GPM6A: variants seen among roughly 807,000 people sequenced by gnomAD.
GPM6A encodes glycoprotein M6A, also known as neuronal membrane glycoprotein M6-a.
GPM6A carries 7 observed loss-of-function variants against 32.1 expected under a neutral mutation model. That is an observed-to-expected ratio of 0.22 (90% CI 0.12 to 0.41). The LOEUF (loss-of-function observed/expected upper bound fraction) is 0.41. Among genes scored for constraint, GPM6A ranks in the 10% least tolerant of loss-of-function variants. GPM6A has a pLI of 1.00. For synonymous variants in GPM6A, 130 were observed against 123.4 expected (o/e 1.05, Z -0.35); for missense variants, 235 against 347.2 (o/e 0.68, Z 2.57).
chr4:175,791,670 ATGAT>A (rs1158624938), intron 1 of GPM6A, among the ~76,000 whole-genome samples: 1 of 152,210 alleles, frequency 6.6e-6, no homozygotes, highest in Non-Finnish European at 1.5e-5. Context: ...TACTAACAAA[ATGAT>A]TGTATCAGAA....
chr4:175,906,776 A>G (rs1028244411), intron 1 of GPM6A: 10 of 152,142 alleles, frequency 6.6e-5, no homozygotes, highest in Admixed American at 4.6e-4. Context: ...ATTGACTTGG[A>G]TGGAATTCTA....
intron 1 of GPM6A, among the ~76,000 whole-genome samples, chr4:175,848,609 T>TA (rs1736160211): frequency 6.6e-6 from 1 of 152,194 alleles, no homozygotes; most frequent in Non-Finnish European, 1.5e-5. Context: ...TACCTTGCAC[T>TA]AACTGGTAAT....
chr4:175,654,886 T>C (rs2110928060), intron 3 of GPM6A, among the ~76,000 whole-genome samples: 1 of 152,266 alleles, frequency 6.6e-6, no homozygotes, highest in East Asian at 1.9e-4. Context: ...GGAAGAGTAA[T>C]CAGCATCCTT....
At chr4:175,942,504 T>G (rs1250002170) in intron 1 of GPM6A, among the ~76,000 whole-genome samples, 2 of 152,150 alleles carry the variant, frequency 1.3e-5, no homozygotes, top group African/African-American at 2.4e-5. Context: ...GTTCTTGAGG[T>G]TTTAGGTCTT....
rs56948019 is a variant in GPM6A at position 175,707,203 on chromosome 4, T to A, written c.38-5436A>T. ...TATCCCTTTACTTTCTTAATAAACT[T>A]CCTTTCACCTTGCTCTATGGGCTTG... On this transcript the variant is annotated intron_variant, in intron 1 of 6. Transcript: ENST00000393658. 1.0e-3 allele frequency among the ~76,000 whole-genome samples: 158 copies of A among 152,358 alleles called. No individual in the cohort carries two copies. The East Asian group carries it at 0.026, about 25-fold the overall frequency.
intron 1 of GPM6A, among the ~76,000 whole-genome samples, chr4:175,968,535 A>C (rs1561016198): frequency 6.6e-6 from 1 of 152,212 alleles, no homozygotes; most frequent in African/African-American, 2.4e-5. Flanking sequence ...ATATTTGATT[A>C]ATGACTGGCA....
At chr4:175,931,709 C>CACACAT (rs1324269132) in intron 1 of GPM6A, among the ~76,000 whole-genome samples, 22 of 129,322 alleles carry the variant, frequency 1.7e-4, no homozygotes, top group African/African-American at 6.3e-4. Context: ...CACACACACA[C>CACACAT]ATATATATAT....
At chr4:175,786,007 T>A (rs1184449427) in intron 1 of GPM6A, among the ~76,000 whole-genome samples, 1 of 151,656 alleles carries the variant, frequency 6.6e-6, no homozygotes, top group Non-Finnish European at 1.5e-5. Flanking sequence ...GAAAAAAAAA[T>A]ATGAGAGAGC....
At chr4:175,660,067 G>A (rs1273975816) in intron 3 of GPM6A, among the ~76,000 whole-genome samples, 2 of 152,030 alleles carry the variant, frequency 1.3e-5, no homozygotes, top group Non-Finnish European at 2.9e-5. Flanking sequence ...TGGAAAAGAT[G>A]AGGACAAGTA....
chr4:175,990,353 C>T (rs1405761414), intron 1 of GPM6A, among the ~76,000 whole-genome samples: 1 of 152,128 alleles, frequency 6.6e-6, no homozygotes, highest in Admixed American at 6.6e-5. Flanking sequence ...CTGCAGCCTC[C>T]ATCGATGTCC....
intron 1 of GPM6A, among the ~76,000 whole-genome samples, chr4:175,948,842 T>C (rs1290587354): frequency 6.6e-6 from 1 of 152,168 alleles, no homozygotes; most frequent in Non-Finnish European, 1.5e-5. Flanking sequence ...CAATTGTTAC[T>C]AGATTGAGCA....
intron 2 of GPM6A, among the ~76,000 whole-genome samples, chr4:175,684,677 A>G (rs967095518): frequency 6.6e-6 from 1 of 152,170 alleles, no homozygotes; most frequent in African/African-American, 2.4e-5. Flanking sequence ...CTGTCATACA[A>G]TGAATTTCTA....
At chr4:175,816,884 G>A (rs1735117138), upstream of GPM6A, among the ~76,000 whole-genome samples, 2 of 151,166 alleles carry the variant, frequency 1.3e-5, no homozygotes, top group East Asian at 1.9e-4. Context: ...TTTTTGAGAC[G>A]GAGTCTCGCT....
At chr4:175,869,113 C>A (rs1050078129) in intron 1 of GPM6A, among the ~76,000 whole-genome samples, 17 of 152,168 alleles carry the variant, frequency 1.1e-4, no homozygotes, top group African/African-American at 4.1e-4. Flanking sequence ...AACAAAATCA[C>A]AAACAATTAC....
chr4:175,853,027 A>C (rs956397020), intron 1 of GPM6A, among the ~76,000 whole-genome samples: 2 of 152,078 alleles, frequency 1.3e-5, no homozygotes, highest in African/African-American at 4.8e-5. Context: ...TTCTTCTTAG[A>C]TCTAACGTCC....
chr4:175,939,412 G>T (rs1283623197), intron 1 of GPM6A, among the ~76,000 whole-genome samples: 1 of 152,084 alleles, frequency 6.6e-6, no homozygotes, highest in South Asian at 2.1e-4. Context: ...AGAGATTTTT[G>T]TATCTCTTAA....
At chr4:175,737,379 T>C (rs1185483451) in intron 1 of GPM6A, among the ~76,000 whole-genome samples, 3 of 151,874 alleles carry the variant, frequency 2.0e-5, no homozygotes, top group Non-Finnish European at 2.9e-5. Context: ...TAATCCTGCA[T>C]GCCTGTAATC....
At chr4:175,866,680 T>C (rs573496223) in intron 1 of GPM6A, among the ~76,000 whole-genome samples, 1 of 152,342 alleles carries the variant, frequency 6.6e-6, no homozygotes, top group African/African-American at 2.4e-5. Context: ...AGGAACATCT[T>C]GGTTGCTTTC....
chr4:175,702,491 T>A (rs995695181), intron 1 of GPM6A, among the ~76,000 whole-genome samples: 1 of 152,166 alleles, frequency 6.6e-6, no homozygotes, highest in Non-Finnish European at 1.5e-5. Flanking sequence ...CCTGTTAGTA[T>A]GTTGTGAAGT....
Sources: allele counts gnomAD v4.1 joint callset (sites outside exome capture counted in the v4.1 genomes callset), GRCh38; gene constraint gnomAD v4.1.1; transcripts MANE v1.5; gene names NCBI Gene and HGNC (gene_info 2026-07-23, HGNC 2026-07-21).